Variants in NKIRAS1 observed in about 807,000 individuals in gnomAD.
NKIRAS1 encodes NF-kappa-B inhibitor-interacting Ras-like protein 1.
NKIRAS1 carries 16 observed loss-of-function variants against 19.8 expected under a neutral mutation model. The observed-to-expected ratio is 0.81, with a 90% CI of 0.55 to 1.23. The LOEUF is 1.23. Ranked by LOEUF, NKIRAS1 falls within the 50% of genes most tolerant of loss-of-function variation. NKIRAS1 has a pLI of 0.00. For synonymous variants in NKIRAS1, 88 were observed against 79.0 expected (o/e 1.11, Z -0.61); for missense variants, 184 against 220.0 (o/e 0.84, Z 1.04).
At chr3:23,895,532 C>T (rs1373987452) in intron 4 of NKIRAS1, among the ~76,000 whole-genome samples, 1 of 152,140 alleles carries the variant, frequency 6.6e-6, no homozygotes, top group East Asian at 1.9e-4. Flanking sequence ...CACTCCCTTG[C>T]CCCCATTATC....
At chr3:23,920,510 T>G (rs1705018056), upstream of NKIRAS1, 1 of 985,198 alleles carries the variant, frequency 1.0e-6, no homozygotes, top group Non-Finnish European at 1.2e-6. Flanking sequence ...TACCACCACA[T>G]TGCATTTCTG....
chr3:23,926,600 A>G lies in NKIRAS1; in HGVS notation c.-139-15150T>C, dbSNP rs1705218975. The stretch of plus-strand genomic sequence containing the variant: ...AAAAAGTTTGATGTATAGATTTCAT[A>G]TGAGAATAGTATTTGTTGCTATAGA... On this transcript the variant is annotated intron_variant, in intron 1 of 4. Transcript: ENST00000421515. This position sits in a 1 kb window ranked among gnomAD's most constrained non-coding sequence, Gnocchi z 4.3. Among the ~76,000 whole-genome samples the G allele has an allele frequency of 6.6e-6, 1 of 152,108 alleles. No homozygotes were observed. The highest frequency in any genetic ancestry group is 2.4e-5 in the African/African-American group (1 of 41,414).
intron 4 of NKIRAS1, among the ~76,000 whole-genome samples, chr3:23,895,929 T>C (rs964941716): frequency 6.6e-6 from 1 of 151,884 alleles, no homozygotes; most frequent in Admixed American, 6.6e-5. Context: ...GGTCAGGAGA[T>C]TGAGACCATC....
chr3:23,898,943 G>T (rs941581542), intron 4 of NKIRAS1, among the ~76,000 whole-genome samples: 3 of 152,178 alleles, frequency 2.0e-5, no homozygotes, highest in Non-Finnish European at 4.4e-5. Flanking sequence ...AACTGCACAT[G>T]TGAGGGATCT....
At chr3:23,933,443 C>T (rs1211816875) in intron 1 of NKIRAS1, among the ~76,000 whole-genome samples, 1 of 152,182 alleles carries the variant, frequency 6.6e-6, no homozygotes, top group African/African-American at 2.4e-5. Context: ...TTGCCACTGG[C>T]ATCCAGTGGA....
Position 23,910,821 on chromosome 3 carries a change from A to G in NKIRAS1, c.84T>C (p.Asn28=), listed in dbSNP as rs1474534869. The G allele has an allele frequency of 1.9e-6, 3 of 1,612,552 alleles. No homozygotes were observed. The highest frequency in any genetic ancestry group is 1.7e-5 in the Admixed American group (1 of 60,028). ...GAAAAACAATCTTACCAATAGTATG[A>G]TTTCCATAAAGGAGCTGCTCCAAAA... ...TAILEQLLYG[N]HTIGMEDCET... The change falls in exon 3 of 5, where the codon AAT becomes AAC. Residue 28 remains asparagine (N), a synonymous_variant. Transcript: ENST00000425478.
rs1701336131 is a variant in NKIRAS1 at position 23,890,016 on chromosome 3, T to C, written c.*3079A>G. On this transcript the variant is annotated 3_prime_UTR_variant, in exon 5 of 5. Coordinates refer to ENST00000425478, the MANE Select transcript of NKIRAS1 (RefSeq NM_020345.4). ...AGATTCAGAGAAATACTATACTTAA[T>C]TGGAGGTCCAGGTTTTGCCTGGCAA... 6.6e-6 allele frequency among the ~76,000 whole-genome samples: 1 copy of C among 152,198 alleles called. No individual in the cohort carries two copies. Among genetic ancestry groups the C allele is most frequent in the South Asian group, 2.1e-4 (1 of 4,824 alleles).
chr3:23,915,191 C>G (rs1351602898), intron 1 of NKIRAS1, among the ~76,000 whole-genome samples: 1 of 152,154 alleles, frequency 6.6e-6, no homozygotes, highest in Non-Finnish European at 1.5e-5. Flanking sequence ...ATAAGAGACA[C>G]ACAGGAGTGC....
intron 4 of NKIRAS1, among the ~76,000 whole-genome samples, chr3:23,899,028 T>A (rs6762238): frequency 0.75 from 114,202 of 151,978 alleles, 43,496 homozygotes; most frequent in African/African-American, 0.85. Flanking sequence ...AACCACCCCA[T>A]CTCCATCTGT....
intron 3 of NKIRAS1, among the ~76,000 whole-genome samples, chr3:23,903,350 A>G (rs1313166422): frequency 1.3e-5 from 2 of 152,082 alleles, no homozygotes; most frequent in Non-Finnish European, 2.9e-5. Flanking sequence ...CCTGAGCTCA[A>G]GCAATCTGCC....
chr3:23,909,754 A>T (rs1434917945), intron 3 of NKIRAS1, among the ~76,000 whole-genome samples: 1 of 152,216 alleles, frequency 6.6e-6, no homozygotes, highest in East Asian at 1.9e-4. Context: ...TGAATAAATG[A>T]ATGAGGTAGC....
At position 23,891,247 on chromosome 3, in the gene NKIRAS1, T is replaced by A. The variant is rs1409388343; in HGVS notation, c.*1848A>T. 1 of 152,278 alleles carries A rather than the reference T, an allele frequency of 6.6e-6. No homozygotes were observed. Among genetic ancestry groups the A allele is most frequent in the Non-Finnish European group, 1.5e-5 (1 of 68,046 alleles). 9.4% of individuals were successfully genotyped at this position (152,278 alleles called of 1,614,324 possible). On this transcript the variant is annotated 3_prime_UTR_variant, in exon 5 of 5. Coordinates refer to ENST00000425478, the MANE Select transcript of NKIRAS1 (RefSeq NM_020345.4). ...GGAGTTGCTCAGTGGATTGGTTCTA[T>A]GTTGTGGACTACTTAAGTCTGCATT...
chr3:23,931,734 G>A (rs928411329), intron 1 of NKIRAS1, among the ~76,000 whole-genome samples: 1,259 of 22,818 alleles, frequency 0.055, 14 homozygotes, highest in Middle Eastern at 0.15. Flanking sequence ...GAGAGAGAGA[G>A]AGAAAGAAAG....
At chr3:23,893,836 T>C (rs948788831) in intron 4 of NKIRAS1, among the ~76,000 whole-genome samples, 32 of 144,202 alleles carry the variant, frequency 2.2e-4, no homozygotes, top group African/African-American at 7.2e-4. Flanking sequence ...AGATGCTCTG[T>C]AGTTTGCTAA....
At chr3:23,918,791 C>G, upstream of NKIRAS1, 1 of 610,278 alleles carries the variant, frequency 1.6e-6, no homozygotes. Flanking sequence ...GGAACCTAAG[C>G]TTTAAAGCGG....
intron 3 of NKIRAS1, among the ~76,000 whole-genome samples, chr3:23,910,466 T>C (rs939603610): frequency 3.3e-5 from 5 of 152,296 alleles, no homozygotes; most frequent in Admixed American, 6.5e-5. Context: ...AAAGTTATGT[T>C]TTCTTAAATC....
rs540945982 is a variant in NKIRAS1, at chr3:23,942,784, T to C, written c.-140+3539A>G. Reference sequence around the variant, plus strand: ...TTTTCGAGACGGGATCTCCTTGCTCTGTCACCCAGACTGGAATGCACTGGG... The same window carrying C: ...TTTTCGAGACGGGATCTCCTTGCTCCGTCACCCAGACTGGAATGCACTGGG... On this transcript the variant is annotated intron_variant, in intron 1 of 4. Transcript: ENST00000421515. 5.3e-5 allele frequency among the ~76,000 whole-genome samples: 8 copies of C among 152,266 alleles called. No individual in the cohort carries two copies. In the South Asian group the frequency reaches 1.7e-3, roughly 32 times the overall value.
chr3:23,925,615 C>T (rs1403136365), intron 1 of NKIRAS1, among the ~76,000 whole-genome samples: 3 of 151,848 alleles, frequency 2.0e-5, no homozygotes, highest in Non-Finnish European at 4.4e-5. Flanking sequence ...GCCTGGTTGA[C>T]AGAGTAAGAC....
chr3:23,917,572 C>T (rs573703271), upstream of NKIRAS1: 3 of 319,354 alleles, frequency 9.4e-6, no homozygotes, highest in Non-Finnish European at 1.7e-5. Flanking sequence ...ACGCCGCCTG[C>T]CGCAGCCACC....
Sources: gnomAD v4.1 joint callset for allele counts (sites outside exome capture counted in the v4.1 genomes callset) on GRCh38, gnomAD v4.1.1 for gene constraint, Gnocchi (gnomAD v3.1) non-coding constraint, MANE v1.5 for transcripts, NCBI Gene and HGNC (gene_info 2026-07-23, HGNC 2026-07-21) for gene names.